The following MSI2 variants were observed in gnomAD, a reference collection of about 807,000 sequenced individuals.
MSI2 encodes the protein RNA-binding protein Musashi homolog 2.
Under a neutral mutation model 45.6 loss-of-function variants are expected in MSI2, and 17 were observed. That is an observed-to-expected ratio of 0.37 (90% CI 0.26 to 0.56). The LOEUF (loss-of-function observed/expected upper bound fraction) is 0.56. MSI2 is among the 20% of genes least tolerant of loss of function. The pLI, the probability that MSI2 is intolerant of heterozygous loss-of-function variation, is 0.77. For synonymous variants in MSI2, 156 were observed against 158.2 expected, an observed-to-expected ratio of 0.99 and a Z score of 0.11; for missense variants, 293 against 444.2, an observed-to-expected ratio of 0.66 and a Z score of 3.06.
chr17:57,548,004 G>T (rs934519684), intron 7 of MSI2, among the ~76,000 whole-genome samples: 1 of 152,146 alleles, frequency 6.6e-6, no homozygotes, highest in African/African-American at 2.4e-5. Flanking sequence ...AGAGTGTTTT[G>T]TGAATGATGT....
intron 6 of MSI2, among the ~76,000 whole-genome samples, chr17:57,406,463 C>T (rs151128565): frequency 1.3e-5 from 2 of 152,194 alleles, no homozygotes; most frequent in East Asian, 3.9e-4. Context: ...TTCTCCGCTT[C>T]GTCCCGGATG....
intron 5 of MSI2, among the ~76,000 whole-genome samples, chr17:57,317,451 T>C (rs902908337): frequency 6.6e-5 from 10 of 151,980 alleles, no homozygotes; most frequent in African/African-American, 1.9e-4. Flanking sequence ...ATTAGCATTA[T>C]TAGCATAATT....
At chr17:57,327,041 C>T (rs556786765) in intron 5 of MSI2, among the ~76,000 whole-genome samples, 38 of 152,254 alleles carry the variant, frequency 2.5e-4, no homozygotes, top group Non-Finnish European at 4.1e-4. Context: ...AAATGGAGCT[C>T]GGTACTTACA....
chr17:57,523,626 GCTT>G (rs1198549424), intron 6 of MSI2: 1 of 152,192 alleles, frequency 6.6e-6, no homozygotes, highest in Non-Finnish European at 1.5e-5. Flanking sequence ...TTCTCTTGGC[GCTT>G]CTAGGATCTC....
At chr17:57,502,908 T>A (rs1275805162) in intron 6 of MSI2, among the ~76,000 whole-genome samples, 1 of 152,010 alleles carries the variant, frequency 6.6e-6, no homozygotes, top group African/African-American at 2.4e-5. Context: ...CCTGGCTTGC[T>A]CACCAAGCCC....
chr17:57,373,086 T>G (rs1351477404), intron 5 of MSI2, among the ~76,000 whole-genome samples: 3 of 152,026 alleles, frequency 2.0e-5, no homozygotes, highest in Non-Finnish European at 4.4e-5. Flanking sequence ...GACATATCTG[T>G]CTCTGCCAAA....
At chr17:57,674,803 C>G in intron 11 of MSI2, 169 bp from the exon 12 acceptor site, 1 of 972,366 alleles carries the variant, frequency 1.0e-6, no homozygotes. Context: ...TTCGCATGGC[C>G]TTGGTTGAGT....
chr17:57,330,561 G>A (rs1914164260), intron 5 of MSI2, among the ~76,000 whole-genome samples: 2 of 152,106 alleles, frequency 1.3e-5, no homozygotes, highest in Admixed American at 6.5e-5. Context: ...TTATAGTCGT[G>A]AGCCACTGTG....
intron 7 of MSI2, among the ~76,000 whole-genome samples, chr17:57,579,295 C>G (rs972232387): frequency 6.6e-6 from 1 of 152,114 alleles, no homozygotes. Context: ...TATCTGTGCT[C>G]GGTGATTTTC....
At position 57,529,533 on chromosome 17, in the gene MSI2, T is replaced by G. The variant is rs2086777482; in HGVS notation, c.406-143T>G. 5.6e-6 allele frequency: 4 copies of G among 718,252 alleles called. No individual in the cohort carries two copies. The highest frequency in any genetic ancestry group is 5.3e-5 in the Admixed American group (2 of 37,412). The allele number at this position is 718,252 out of a possible 1,614,324, so 44.5% of individuals were successfully genotyped here. A position where few individuals can be genotyped will look rare whatever the true frequency, so the allele number is the denominator to read the frequency against. On this transcript the variant is annotated intron_variant, in intron 6 of 13. Coordinates refer to ENST00000284073, the MANE Select transcript of MSI2 (RefSeq NM_138962.4). This position sits in a 1 kb window ranked among gnomAD's most constrained non-coding sequence, Gnocchi z 5.3. ...ACCACTGTTTTTTTTTCTTTCTACT[T>G]TTTTGCATTTTCAAATATTTTTTGA...
At chr17:57,591,672 A>G (rs1420682847) in intron 7 of MSI2, among the ~76,000 whole-genome samples, 1 of 151,330 alleles carries the variant, frequency 6.6e-6, no homozygotes, top group Non-Finnish European at 1.5e-5. Context: ...GACTGCAATG[A>G]GCCAAGATTG....
At chr17:57,333,803 A>C (rs79966178) in intron 5 of MSI2, among the ~76,000 whole-genome samples, 226 of 152,070 alleles carry the variant, frequency 1.5e-3, no homozygotes, top group African/African-American at 5.0e-3. Flanking sequence ...GAAAAAAAAA[A>C]CAAAAAGATT....
At chr17:57,316,824 C>T (rs2143641538) in intron 5 of MSI2, among the ~76,000 whole-genome samples, 1 of 152,192 alleles carries the variant, frequency 6.6e-6, no homozygotes, top group African/African-American at 2.4e-5. Flanking sequence ...CAAATGCTAT[C>T]CTTTGTTCCC....
At chr17:57,423,515 C>T (rs1338704093) in intron 6 of MSI2, among the ~76,000 whole-genome samples, 1 of 152,232 alleles carries the variant, frequency 6.6e-6, no homozygotes, top group Non-Finnish European at 1.5e-5. Context: ...AGCGCCTGCT[C>T]ATGCCTTTCC....
chr17:57,555,924 A>T (rs1261408969), intron 7 of MSI2, among the ~76,000 whole-genome samples: 1 of 152,138 alleles, frequency 6.6e-6, no homozygotes, highest in African/African-American at 2.4e-5. Context: ...CAGCCTCAGA[A>T]CCACCACTTG....
chr17:57,527,531 A>G (rs1344986777), intron 6 of MSI2, among the ~76,000 whole-genome samples: 2 of 152,204 alleles, frequency 1.3e-5, no homozygotes, highest in East Asian at 1.9e-4. Flanking sequence ...GGGATCTCCA[A>G]ACTAGCATTG....
chr17:57,366,249 T>A (rs1196888516), intron 5 of MSI2, among the ~76,000 whole-genome samples: 1 of 152,160 alleles, frequency 6.6e-6, no homozygotes, highest in East Asian at 1.9e-4. Flanking sequence ...GTTGGGGAAG[T>A]TGAGGTGGAC....
intron 11 of MSI2, among the ~76,000 whole-genome samples, chr17:57,658,797 C>T (rs761175119): frequency 4.6e-5 from 7 of 152,172 alleles, no homozygotes; most frequent in Admixed American, 6.5e-5. Flanking sequence ...CTTGTGTGGG[C>T]TCAGGAGCTC....
chr17:57,401,325 C>T lies in MSI2; in HGVS notation c.313-54C>T, dbSNP rs560676237. On this transcript the variant is annotated intron_variant, in intron 5 of 13. Transcript: ENST00000284073. ...CAGATTGTTTCAGCAGCCTCTTGAGCCCTGCTTTAGATAACCTGGTTAACC... is the reference window on the plus strand; with the variant it reads ...CAGATTGTTTCAGCAGCCTCTTGAGTCCTGCTTTAGATAACCTGGTTAACC... 5.6e-6 allele frequency: 8 copies of T among 1,432,146 alleles called. No individual in the cohort carries two copies. In the East Asian group the frequency reaches 1.6e-4, roughly 28 times the overall value. 88.7% of individuals were successfully genotyped at this position (1,432,146 alleles called of 1,614,324 possible).
Sources: gnomAD v4.1 joint callset for allele counts (sites outside exome capture counted in the v4.1 genomes callset) on GRCh38, gnomAD v4.1.1 for gene constraint, Gnocchi (gnomAD v3.1) non-coding constraint, MANE v1.5 for transcripts, NCBI Gene and HGNC (gene_info 2026-07-23, HGNC 2026-07-21) for gene names.